THEMIS: variants seen among roughly 807,000 people sequenced by gnomAD.
THEMIS encodes protein THEMIS.
In THEMIS, 37 loss-of-function variants were observed where a neutral mutation model predicts 52.6. That is an observed-to-expected ratio of 0.70 (90% confidence interval 0.54 to 0.93). THEMIS has a LOEUF of 0.93. THEMIS is among the 40% of genes least tolerant of loss of function. The pLI, the probability that THEMIS is intolerant of heterozygous loss-of-function variation, is 0.00. For missense variants in THEMIS, 808 were observed against 763.1 expected, an observed-to-expected ratio of 1.06 and a Z score of -0.69; for synonymous variants, 292 against 272.7, an observed-to-expected ratio of 1.07 and a Z score of -0.70.
intron 1 of THEMIS, among the ~76,000 whole-genome samples, chr6:127,887,290 G>A (rs1330496572): frequency 2.0e-5 from 3 of 152,046 alleles, no homozygotes; most frequent in African/African-American, 4.8e-5. Context: ...CTCAACATTA[G>A]TTGTCATTAA....
chr6:127,701,495 A>T, the THEMIS span, among the ~76,000 whole-genome samples: 1 of 152,124 alleles, frequency 6.6e-6, no homozygotes, highest in South Asian at 2.1e-4. Flanking sequence ...GTTATTAGGA[A>T]CATCATTGTA....
chr6:127,733,575 A>G (rs1226443458), intron 4 of THEMIS, among the ~76,000 whole-genome samples: 2 of 152,168 alleles, frequency 1.3e-5, no homozygotes, highest in Non-Finnish European at 2.9e-5. Flanking sequence ...CTGCCCATTA[A>G]CTTTGAGTTA....
At chr6:127,918,036 T>C (rs1311684638) in intron 1 of THEMIS, among the ~76,000 whole-genome samples, 4 of 152,222 alleles carry the variant, frequency 2.6e-5, no homozygotes, top group Non-Finnish European at 5.9e-5. Context: ...GGATAAGTAT[T>C]GATTTTTAAG....
In THEMIS at chr6:127,774,604, T is replaced by C. The variant is rs1260847211; in HGVS notation, c.1758+38279A>G. Among the ~76,000 whole-genome samples, 4 of 152,190 alleles carry C rather than the reference T, an allele frequency of 2.6e-5. No individual in the cohort carries two copies. The East Asian group carries it at 7.7e-4, about 29-fold the overall frequency. The stretch of plus-strand genomic sequence containing the variant: ...AAGCAAATCACAGAGATAGCACATA[T>C]GTACTATGGTAGAACTTAGCGACTA... On this transcript the variant is annotated intron_variant, in intron 4 of 5. Coordinates refer to ENST00000368248, the MANE Select transcript of THEMIS (RefSeq NM_001010923.3).
chr6:127,872,928 C>A (rs957117197), intron 1 of THEMIS, among the ~76,000 whole-genome samples: 5 of 152,082 alleles, frequency 3.3e-5, no homozygotes, highest in African/African-American at 9.7e-5. Flanking sequence ...ACTATTAGAA[C>A]TATTAAGTGA....
At chr6:127,897,211 T>C (rs894818880) in intron 1 of THEMIS, among the ~76,000 whole-genome samples, 1 of 151,488 alleles carries the variant, frequency 6.6e-6, no homozygotes, top group South Asian at 2.1e-4. Context: ...TTCTAGAAGA[T>C]AATACATATT....
chr6:127,773,452 T>C (rs945620235), intron 4 of THEMIS, among the ~76,000 whole-genome samples: 3 of 152,228 alleles, frequency 2.0e-5, no homozygotes, highest in Non-Finnish European at 4.4e-5. Context: ...TTTAGAAATC[T>C]AAAAAGTACT....
At chr6:127,886,317 A>G (rs1242637799) in intron 1 of THEMIS, among the ~76,000 whole-genome samples, 1 of 152,142 alleles carries the variant, frequency 6.6e-6, no homozygotes, top group African/African-American at 2.4e-5. Flanking sequence ...CTCAAAATGG[A>G]TTATAGACCC....
chr6:127,890,382 T>C (rs1382504243), intron 1 of THEMIS, among the ~76,000 whole-genome samples: 1 of 152,120 alleles, frequency 6.6e-6, no homozygotes, highest in East Asian at 1.9e-4. Context: ...GCTAAAAATA[T>C]TGATCTCATG....
intron 1 of THEMIS, among the ~76,000 whole-genome samples, chr6:127,897,424 CAT>C (rs1350238722): frequency 6.6e-6 from 1 of 151,258 alleles, no homozygotes; most frequent in Non-Finnish European, 1.5e-5. Context: ...TATATATACA[CAT>C]AAACTCCATC....
chr6:127,697,242 G>C, the THEMIS span, among the ~76,000 whole-genome samples: 1 of 152,094 alleles, frequency 6.6e-6, no homozygotes, highest in Non-Finnish European at 1.5e-5. Context: ...AGTCATCCTT[G>C]ACTCCTCTCT....
At chr6:127,843,209 T>C (rs962581613) in intron 2 of THEMIS, among the ~76,000 whole-genome samples, 1 of 152,014 alleles carries the variant, frequency 6.6e-6, no homozygotes, top group African/African-American at 2.4e-5. Context: ...AACATTACAA[T>C]GCTACTGCAT....
intron 4 of THEMIS, 107 bp downstream of exon 4, chr6:127,812,776 A>G: frequency 3.5e-6 from 4 of 1,131,268 alleles, no homozygotes; most frequent in Non-Finnish European, 5.1e-6. Context: ...CATTGCAAAT[A>G]TGGCATGAAA....
At chr6:127,732,070 T>C (rs1774829250) in intron 4 of THEMIS, among the ~76,000 whole-genome samples, 1 of 151,102 alleles carries the variant, frequency 6.6e-6, no homozygotes, top group African/African-American at 2.4e-5. Context: ...TACGCAGTAT[T>C]GGATTGAGTA....
intron 4 of THEMIS, among the ~76,000 whole-genome samples, chr6:127,768,520 C>CT (rs1776272414): frequency 6.6e-6 from 1 of 152,092 alleles, no homozygotes; most frequent in Admixed American, 6.6e-5. Context: ...TCAATGCTTC[C>CT]TTTTAAAATA....
At chr6:127,841,175 G>T (rs1779036229) in intron 2 of THEMIS, among the ~76,000 whole-genome samples, 1 of 151,954 alleles carries the variant, frequency 6.6e-6, no homozygotes, top group South Asian at 2.1e-4. Flanking sequence ...CATTGATGGT[G>T]GGGGAGGCTG....
At chr6:127,858,568 A>G (rs986195568) in intron 1 of THEMIS, among the ~76,000 whole-genome samples, 1 of 152,086 alleles carries the variant, frequency 6.6e-6, no homozygotes, top group Admixed American at 6.6e-5. Context: ...TTCCTTCTTG[A>G]TAAGTTAAAA....
At chr6:127,830,032 C>T in intron 2 of THEMIS, 98 bp from the exon 3 acceptor site, 2 of 821,692 alleles carry the variant, frequency 2.4e-6, no homozygotes, top group South Asian at 1.8e-5. Context: ...GTACTGCATA[C>T]ATTTTTAAAG....
At chr6:127,752,693 C>G (rs945891854) in intron 4 of THEMIS, among the ~76,000 whole-genome samples, 17 of 151,600 alleles carry the variant, frequency 1.1e-4, no homozygotes, top group Middle Eastern at 3.2e-3. Flanking sequence ...CAAAACCTCT[C>G]AACAAAGAAA....
Sources: gnomAD v4.1 joint callset for allele counts (sites outside exome capture counted in the v4.1 genomes callset) on GRCh38, gnomAD v4.1.1 for gene constraint, MANE v1.5 for transcripts, NCBI Gene and HGNC (gene_info 2026-07-23, HGNC 2026-07-21) for gene names.